ZNF407: variants seen among roughly 807,000 people sequenced by gnomAD.
ZNF407 encodes zinc finger protein 407.
In ZNF407, 17 loss-of-function variants were observed where a neutral mutation model predicts 131.2. The observed-to-expected ratio is 0.13, with a 90% CI of 0.09 to 0.19. The LOEUF (loss-of-function observed/expected upper bound fraction) is 0.19, where lower values mean the gene tolerates loss of function less well. ZNF407 is among the 10% of genes least tolerant of loss of function. The probability of loss-of-function intolerance (pLI) is 1.00; values close to 1 mark genes in which losing one functional copy is unlikely to be tolerated. For missense variants in ZNF407, 2,681 were observed against 2,830.6 expected, an observed-to-expected ratio of 0.95 and a Z score of 1.20; for synonymous variants, 1,156 against 1,062.0, an observed-to-expected ratio of 1.09 and a Z score of -1.72.
intron 3 of ZNF407, among the ~76,000 whole-genome samples, chr18:74,676,505 C>T (rs568106033): frequency 0.012 from 1,833 of 149,630 alleles, 28 homozygotes; most frequent in African/African-American, 0.042. Flanking sequence ...GGCGGGATCT[C>T]GGCTCACTGC....
intron 3 of ZNF407, among the ~76,000 whole-genome samples, chr18:74,677,218 G>A (rs1986429281): frequency 6.6e-6 from 1 of 152,138 alleles, no homozygotes; most frequent in Non-Finnish European, 1.5e-5. Flanking sequence ...AGCCTTTTGA[G>A]TAGCTGGGAC....
At chr18:74,795,956 A>T (rs10871538) in intron 4 of ZNF407, among the ~76,000 whole-genome samples, 143,965 of 152,336 alleles carry the variant, frequency 0.95, 68,519 homozygotes, top group East Asian at 1. Flanking sequence ...GCACACGCGC[A>T]CACACGCACA....
chr18:74,644,247 G>A (rs552547861), intron 3 of ZNF407, among the ~76,000 whole-genome samples: 1 of 149,016 alleles, frequency 6.7e-6, no homozygotes, highest in South Asian at 2.1e-4. Flanking sequence ...GATCGAGAGA[G>A]GAATTTTATA....
intron 3 of ZNF407, among the ~76,000 whole-genome samples, chr18:74,758,745 C>T (rs975168624): frequency 3.9e-5 from 6 of 152,010 alleles, no homozygotes; most frequent in African/African-American, 1.5e-4. Context: ...TGTGTGCTCC[C>T]ATGTCCAGCT....
intron 3 of ZNF407, among the ~76,000 whole-genome samples, chr18:74,682,718 C>T (rs1967012957): frequency 6.6e-6 from 1 of 152,146 alleles, no homozygotes; most frequent in African/African-American, 2.4e-5. Context: ...TTTCTATCTA[C>T]AGTTCTGGGT....
intron 8 of ZNF407, among the ~76,000 whole-genome samples, chr18:74,923,212 G>A (rs1391638897): frequency 6.6e-6 from 1 of 151,758 alleles, no homozygotes; most frequent in Non-Finnish European, 1.5e-5. Flanking sequence ...AGAAACACAA[G>A]ACAAAAGTGG....
chr18:74,806,412 G>A (rs546688039), intron 4 of ZNF407, among the ~76,000 whole-genome samples: 2 of 152,324 alleles, frequency 1.3e-5, no homozygotes, highest in East Asian at 1.9e-4. Context: ...TGCCAATGGG[G>A]GGTTGTAGGA....
intron 8 of ZNF407, among the ~76,000 whole-genome samples, chr18:75,021,856 A>G (rs191406478): frequency 8.2e-4 from 124 of 152,140 alleles, no homozygotes; most frequent in Admixed American, 2.9e-3. Flanking sequence ...ATAACTATAT[A>G]AGCTACATTC....
At chr18:75,026,361 G>A (rs1221266235) in intron 8 of ZNF407, among the ~76,000 whole-genome samples, 1 of 152,116 alleles carries the variant, frequency 6.6e-6, no homozygotes, top group Admixed American at 6.5e-5. Context: ...TCTGAGTCAT[G>A]GATAATAATC....
chr18:74,631,660 AACAT>A lies in ZNF407; in HGVS notation c.644_647del (p.His215ProfsTer44). On this transcript the variant is annotated frameshift_variant, in exon 2 of 9. Transcript: ENST00000299687. LOFTEE classifies it high-confidence loss of function. ...GAGTCTCACATGCAGCAGCCTAAGG[AACAT>A]ACCTGTTGTCACTGCAGCCACAAAG... 1 of 1,613,946 alleles carries A rather than the reference AACAT, an allele frequency of 6.2e-7. No homozygotes were observed. The highest frequency in any genetic ancestry group is 8.5e-7 in the Non-Finnish European group (1 of 1,179,880).
chr18:74,993,036 G>C (rs769441878), intron 8 of ZNF407, among the ~76,000 whole-genome samples: 1 of 152,138 alleles, frequency 6.6e-6, no homozygotes, highest in Non-Finnish European at 1.5e-5. Flanking sequence ...TGGTAGTACT[G>C]TAAAAATGGT....
intron 8 of ZNF407, among the ~76,000 whole-genome samples, chr18:74,942,643 G>A (rs930729913): frequency 7.2e-5 from 11 of 152,168 alleles, no homozygotes; most frequent in African/African-American, 1.9e-4. Context: ...TGTTTTTATA[G>A]GGACCTGCTG....
Position 74,635,658 on chromosome 18 carries a change from C to G in ZNF407, c.4639C>G (p.Arg1547Gly). ...NVCKYCGKMC[R>G]SSNSMAFLAH... is the part of the protein sequence containing the mutation. ...CTGCAAGTATTGTGGGAAGATGTGT[C>G]GAAGCAGCAACTCGATGGCCTTCCT... Residue 1547 changes from arginine to glycine, a missense_variant, in exon 2 of 9, where the codon CGA (arginine) becomes GGA (glycine). Physicochemically the swap from Arg to Gly is moderately radical, Grantham distance 125. Around this residue, in one of 6 missense-constraint regions of ZNF407, gnomAD observed 213 missense variants for 332.2 expected, o/e 0.64. Coordinates refer to ENST00000299687, the MANE Select transcript of ZNF407 (RefSeq NM_017757.3). This position sits in a 1 kb window ranked among gnomAD's most constrained non-coding sequence, Gnocchi z 4.7. 5 of 1,609,218 alleles carry G rather than the reference C, an allele frequency of 3.1e-6. No individual in the cohort carries two copies. The highest frequency in any genetic ancestry group is 3.4e-6 in the Non-Finnish European group (4 of 1,177,104).
intron 3 of ZNF407, among the ~76,000 whole-genome samples, chr18:74,744,442 CATTTTT>C (rs779831724): frequency 2.0e-5 from 3 of 152,046 alleles, no homozygotes; most frequent in Non-Finnish European, 4.4e-5. Context: ...GATAGTTTTT[CATTTTT>C]ATTTTTAAAG....
chr18:74,676,953 G>C (rs148749001), intron 3 of ZNF407, among the ~76,000 whole-genome samples: 1 of 152,130 alleles, frequency 6.6e-6, no homozygotes, highest in Non-Finnish European at 1.5e-5. Context: ...CACTGCCCCC[G>C]TCTTCCCTCC....
intron 4 of ZNF407, among the ~76,000 whole-genome samples, chr18:74,835,733 G>GT (rs1970549713): frequency 6.6e-6 from 1 of 151,762 alleles, no homozygotes; most frequent in South Asian, 2.1e-4. Flanking sequence ...AGAGAAATCT[G>GT]TAAATTTGCT....
chr18:74,904,648 A>G (rs1265811570), intron 7 of ZNF407, among the ~76,000 whole-genome samples: 1 of 152,118 alleles, frequency 6.6e-6, no homozygotes, highest in Non-Finnish European at 1.5e-5. Context: ...TATGGAGTGG[A>G]GGGTAGAAAG....
intron 8 of ZNF407, among the ~76,000 whole-genome samples, chr18:74,939,644 G>A (rs922545330): frequency 3.3e-5 from 5 of 152,158 alleles, no homozygotes; most frequent in African/African-American, 7.2e-5. Context: ...AAAGGTTGAC[G>A]GTACCCATTG....
At position 74,811,895 on chromosome 18, in the gene ZNF407, G is replaced by C. The variant is rs9965881; in HGVS notation, c.4877+30393G>C. ...GTTGTGGGGTAAGGGGAAGGGGGAG[G>C]GGGGAGGGATAGCATTAGGAGATAT... On this transcript the variant is annotated intron_variant, in intron 4 of 8. Transcript: ENST00000299687. 8.1e-5 allele frequency among the ~76,000 whole-genome samples: 12 copies of C among 147,950 alleles called. No homozygotes were observed. In the East Asian group the frequency reaches 2.1e-3, roughly 26 times the overall value.
Sources: allele counts gnomAD v4.1 joint callset (sites outside exome capture counted in the v4.1 genomes callset), GRCh38; gene constraint gnomAD v4.1.1; regional missense constraint gnomAD v4.1.1; non-coding constraint Gnocchi (gnomAD v3.1); transcripts MANE v1.5; gene names NCBI Gene and HGNC (gene_info 2026-07-23, HGNC 2026-07-21).